CNOT6: variants seen among roughly 807,000 people sequenced by gnomAD.
CNOT6 encodes CCR4-NOT transcription complex subunit 6.
CNOT6 carries 12 observed loss-of-function variants against 61.2 expected under a neutral mutation model. The ratio of observed to expected loss-of-function variants is 0.20; its 90% CI spans 0.13 to 0.32. The LOEUF is 0.32. Ranked by LOEUF, CNOT6 falls within the 10% of genes least tolerant of loss-of-function variation. CNOT6 has a pLI of 1.00. For synonymous variants in CNOT6, 225 were observed against 240.6 expected (o/e 0.94, Z 0.60); for missense variants, 405 against 663.9 (o/e 0.61, Z 4.28).
At chr5:180,500,882 G>A (rs781687926) in intron 1 of CNOT6, among the ~76,000 whole-genome samples, 1 of 151,930 alleles carries the variant, frequency 6.6e-6, no homozygotes, top group Non-Finnish European at 1.5e-5. Flanking sequence ...ATTCTGCTTG[G>A]AAAACCCAGG....
chr5:180,573,033 CCT>C (rs1395798278), intron 11 of CNOT6, among the ~76,000 whole-genome samples: 2 of 152,132 alleles, frequency 1.3e-5, no homozygotes, highest in African/African-American at 2.4e-5. Context: ...AAAGTAAACC[CCT>C]GTTTATCCTC....
At chr5:180,557,115 A>G (rs996601412) in intron 4 of CNOT6, among the ~76,000 whole-genome samples, 1 of 152,144 alleles carries the variant, frequency 6.6e-6, no homozygotes, top group East Asian at 1.9e-4. Flanking sequence ...TATGATATAA[A>G]TGTCTCGTGG....
chr5:180,500,056 T>C (rs1473743378), intron 1 of CNOT6, among the ~76,000 whole-genome samples: 1 of 152,184 alleles, frequency 6.6e-6, no homozygotes, highest in African/African-American at 2.4e-5. Flanking sequence ...GTTCTCTAAT[T>C]TGTGTATCAA....
intron 1 of CNOT6, among the ~76,000 whole-genome samples, chr5:180,497,325 C>CA (rs111362029): frequency 0.58 from 73,610 of 125,902 alleles, 21,213 homozygotes; most frequent in African/African-American, 0.69. Flanking sequence ...AACTCCGTCT[C>CA]AAAAAAAAAA....
intron 2 of CNOT6, among the ~76,000 whole-genome samples, chr5:180,546,159 G>T (rs922467683): frequency 2.0e-5 from 3 of 152,010 alleles, no homozygotes; most frequent in Admixed American, 2.0e-4. Context: ...CTCCCAAAGT[G>T]CTGGGATTAC....
In CNOT6 at chr5:180,567,204, A is replaced by G. The variant is rs1379463412; in HGVS notation, c.834A>G (p.Lys278=). The change falls in exon 8 of 12, where the codon AAA becomes AAG. Residue 278 remains lysine (K), a synonymous_variant. Transcript: ENST00000261951. ...GGACAATGTCAGAACAAGAAAGGAA[A>G]CATGTTGATGGCTGTGCAATATTCT... ...RARTMSEQER[K]HVDGCAIFFK... The G allele has an allele frequency of 1.2e-6, 2 of 1,613,066 alleles. No homozygotes were observed. Among genetic ancestry groups the G allele is most frequent in the Non-Finnish European group, 1.7e-6 (2 of 1,179,764 alleles).
At chr5:180,546,661 TAC>T in intron 2 of CNOT6, among the ~76,000 whole-genome samples, 1 of 152,248 alleles carries the variant, frequency 6.6e-6, no homozygotes, top group Non-Finnish European at 1.5e-5. Flanking sequence ...AATAATCTCA[TAC>T]ATACCCACGT....
chr5:180,538,713 T>TATATATATATATATATATATAC (rs1345549867), intron 2 of CNOT6, among the ~76,000 whole-genome samples: 4 of 144,898 alleles, frequency 2.8e-5, no homozygotes, highest in African/African-American at 1.0e-4. Context: ...TATATATATA[T>TATATATATATATATATATATAC]ATACAAAAAA....
intron 1 of CNOT6, among the ~76,000 whole-genome samples, chr5:180,503,066 A>C (rs1007487039): frequency 6.6e-6 from 1 of 152,164 alleles, no homozygotes; most frequent in African/African-American, 2.4e-5. Flanking sequence ...TAGCCACTGA[A>C]GAAAAAAAAT....
At chr5:180,498,881 C>A (rs908081048) in intron 1 of CNOT6, among the ~76,000 whole-genome samples, 3 of 152,232 alleles carry the variant, frequency 2.0e-5, no homozygotes, top group Non-Finnish European at 4.4e-5. Flanking sequence ...CCTCCGCCTC[C>A]TGGGTTCCAG....
intron 1 of CNOT6, among the ~76,000 whole-genome samples, chr5:180,513,229 G>A (rs563941304): frequency 1.3e-5 from 2 of 151,596 alleles, no homozygotes; most frequent in South Asian, 2.1e-4. Flanking sequence ...GATCTCTGTC[G>A]CTCAGACTGG....
intron 1 of CNOT6, among the ~76,000 whole-genome samples, chr5:180,523,572 A>G (rs1048969679): frequency 6.6e-6 from 1 of 152,166 alleles, no homozygotes; most frequent in Non-Finnish European, 1.5e-5. Flanking sequence ...GGAGGTTCAA[A>G]TATATTTAAG....
At chr5:180,531,394 G>A (rs568986645) in intron 2 of CNOT6, among the ~76,000 whole-genome samples, 3 of 151,126 alleles carry the variant, frequency 2.0e-5, no homozygotes, top group African/African-American at 4.9e-5. Context: ...ACGGGGCGGC[G>A]GGGCAGAGGC....
chr5:180,555,470 G>A (rs1317374863), intron 4 of CNOT6, among the ~76,000 whole-genome samples: 4 of 152,200 alleles, frequency 2.6e-5, no homozygotes, highest in African/African-American at 9.7e-5. Flanking sequence ...TTTCTTGGAA[G>A]TGTAGTTTCA....
chr5:180,546,483 G>A (rs955244548), intron 2 of CNOT6, among the ~76,000 whole-genome samples: 2 of 152,102 alleles, frequency 1.3e-5, no homozygotes, highest in Non-Finnish European at 2.9e-5. Flanking sequence ...TCAAGTACTA[G>A]TACACCTCTT....
At chr5:180,508,373 G>A (rs1052149438) in intron 1 of CNOT6, among the ~76,000 whole-genome samples, 3 of 152,094 alleles carry the variant, frequency 2.0e-5, no homozygotes, top group Non-Finnish European at 4.4e-5. Context: ...GTGCAGTGAC[G>A]CAATCTTGGC....
At chr5:180,557,612 G>A (rs185145793) in intron 4 of CNOT6, among the ~76,000 whole-genome samples, 2 of 152,234 alleles carry the variant, frequency 1.3e-5, no homozygotes, top group Non-Finnish European at 2.9e-5. Flanking sequence ...TTCTAGGTAC[G>A]AGTCGTTGGT....
intron 11 of CNOT6, among the ~76,000 whole-genome samples, 156 bp downstream of exon 11, chr5:180,571,588 C>T (rs1362165142): frequency 1.3e-5 from 2 of 152,122 alleles, no homozygotes; most frequent in African/African-American, 4.8e-5. Flanking sequence ...TTGTTTGAGA[C>T]AAGGTCTCAC....
intron 1 of CNOT6, among the ~76,000 whole-genome samples, chr5:180,508,995 G>C (rs1361074178): frequency 6.6e-6 from 1 of 151,764 alleles, no homozygotes; most frequent in Non-Finnish European, 1.5e-5. Flanking sequence ...GCTAATTTTT[G>C]TATTTTTAGT....
Sources: gnomAD v4.1 joint callset for allele counts (sites outside exome capture counted in the v4.1 genomes callset) on GRCh38, gnomAD v4.1.1 for gene constraint, MANE v1.5 for transcripts, NCBI Gene and HGNC (gene_info 2026-07-23, HGNC 2026-07-21) for gene names.